ERBB4: variants seen among roughly 807,000 people sequenced by gnomAD.
The protein encoded by ERBB4 is erb-b2 receptor tyrosine kinase 4, also known as receptor tyrosine-protein kinase erbB-4.
In ERBB4, 42 loss-of-function variants were observed where a neutral mutation model predicts 158.0. That is an observed-to-expected ratio of 0.27 (90% confidence interval 0.21 to 0.34). The LOEUF is 0.34. Among genes scored for constraint, ERBB4 ranks in the 10% least tolerant of loss-of-function variants. The pLI is 1.00. For synonymous variants in ERBB4, 583 were observed against 558.7 expected, an observed-to-expected ratio of 1.04 and a Z score of -0.61; for missense variants, 1,333 against 1,624.1, an observed-to-expected ratio of 0.82 and a Z score of 3.08.
intron 3 of ERBB4, among the ~76,000 whole-genome samples, chr2:211,897,082 T>C (rs2079116302): frequency 6.7e-6 from 1 of 150,290 alleles, no homozygotes. Context: ...GAATATATTC[T>C]ATATTATAAA....
chr2:211,544,412 G>C (rs1225546730), intron 20 of ERBB4, among the ~76,000 whole-genome samples: 3 of 151,906 alleles, frequency 2.0e-5, no homozygotes, highest in South Asian at 2.1e-4. Flanking sequence ...TTGCTGCCTT[G>C]CCCCACTCGT....
At chr2:211,558,406 T>A (rs890559176) in intron 20 of ERBB4, among the ~76,000 whole-genome samples, 4 of 152,108 alleles carry the variant, frequency 2.6e-5, no homozygotes, top group African/African-American at 9.7e-5. Context: ...CCCCTGTGAC[T>A]ACAATGGGCC....
rs567107558 is a variant in ERBB4, at chr2:212,462,081, CATATACA to C, written c.82+76361_82+76367del. Among the ~76,000 whole-genome samples, 582 of 152,156 alleles carry C rather than the reference CATATACA, an allele frequency of 3.8e-3. 5 individuals carry two copies. The highest frequency in any genetic ancestry group is 0.013 in the African/African-American group (553 of 41,500). ...TGTGAAAATGGACTAATACATCTAC[CATATACA>C]ATATACAAAAACCAACTTTATCTGG... is the stretch of plus-strand genomic sequence containing the variant. On this transcript the variant is annotated intron_variant, in intron 1 of 27. Coordinates refer to ENST00000342788, the MANE Select transcript of ERBB4 (RefSeq NM_005235.3).
chr2:211,734,021 C>CA (rs1446175833), intron 5 of ERBB4, among the ~76,000 whole-genome samples: 1 of 151,648 alleles, frequency 6.6e-6, no homozygotes, highest in African/African-American at 2.4e-5. Flanking sequence ...CAGCCTGGGC[C>CA]ATGCAGCAGA....
chr2:212,203,702 T>C (rs10497964), intron 1 of ERBB4, among the ~76,000 whole-genome samples: 84,707 of 152,040 alleles, frequency 0.56, 25,737 homozygotes, highest in African/African-American at 0.79. Context: ...CCTAAACATA[T>C]ATTTTAATCC....
chr2:211,781,268 A>C (rs2076029852), intron 4 of ERBB4, among the ~76,000 whole-genome samples: 1 of 152,240 alleles, frequency 6.6e-6, no homozygotes, highest in South Asian at 2.1e-4. Flanking sequence ...GATATGTAAA[A>C]GTCACTGAAA....
chr2:212,365,587 T>C (rs1013659345), intron 1 of ERBB4, among the ~76,000 whole-genome samples: 2 of 151,838 alleles, frequency 1.3e-5, no homozygotes, highest in African/African-American at 4.8e-5. Context: ...ATAAAAATAT[T>C]TCCTTAGCTA....
intron 1 of ERBB4, among the ~76,000 whole-genome samples, chr2:212,280,162 T>A (rs1559913598): frequency 6.6e-6 from 1 of 151,612 alleles, no homozygotes; most frequent in Non-Finnish European, 1.5e-5. Context: ...AATAAAAGGT[T>A]GTACCTCATT....
chr2:211,674,081 A>G (rs1425523927), intron 13 of ERBB4, among the ~76,000 whole-genome samples: 1 of 152,132 alleles, frequency 6.6e-6, no homozygotes, highest in African/African-American at 2.4e-5. Context: ...TATTATATCA[A>G]TAATTAGATA....
At chr2:211,493,578 CA>C (rs143725610) in intron 20 of ERBB4, among the ~76,000 whole-genome samples, 14 of 149,764 alleles carry the variant, frequency 9.3e-5, no homozygotes, top group South Asian at 6.3e-4. Context: ...AAAACAAAAA[CA>C]AAAAAAAACA....
intron 20 of ERBB4, among the ~76,000 whole-genome samples, chr2:211,516,501 T>G (rs2066038164): frequency 6.6e-6 from 1 of 151,908 alleles, no homozygotes; most frequent in South Asian, 2.1e-4. Context: ...GACTGTCTAA[T>G]TTTTATAATT....
At chr2:211,963,059 G>A (rs1395230572) in intron 2 of ERBB4, among the ~76,000 whole-genome samples, 1 of 152,006 alleles carries the variant, frequency 6.6e-6, no homozygotes, top group African/African-American at 2.4e-5. Context: ...AATTATGTTA[G>A]CACCTGTGAT....
chr2:211,872,047 A>G (rs1384769010), intron 3 of ERBB4, among the ~76,000 whole-genome samples: 1 of 151,310 alleles, frequency 6.6e-6, no homozygotes, highest in Non-Finnish European at 1.5e-5. Flanking sequence ...GAAGTCAGAC[A>G]TACATTTCAA....
chr2:212,497,697 G>C (rs1463343963), intron 1 of ERBB4, among the ~76,000 whole-genome samples: 2 of 152,034 alleles, frequency 1.3e-5, no homozygotes, highest in Admixed American at 1.3e-4. Flanking sequence ...GTATCAATTA[G>C]TCAAATAAAT....
At chr2:211,512,913 G>T (rs1242489239) in intron 20 of ERBB4, among the ~76,000 whole-genome samples, 2 of 152,130 alleles carry the variant, frequency 1.3e-5, no homozygotes. Context: ...TTAAATAAAA[G>T]ATGTCGGGTA....
At chr2:212,326,405 T>G (rs984109697) in intron 1 of ERBB4, among the ~76,000 whole-genome samples, 1 of 150,716 alleles carries the variant, frequency 6.6e-6, no homozygotes, top group African/African-American at 2.4e-5. Flanking sequence ...TTTAAATAAA[T>G]GCTCATTTAA....
At position 212,446,578 on chromosome 2, in the gene ERBB4, C is replaced by CATATATATATATATAT. The variant is rs1491199974; in HGVS notation, c.82+91870_82+91871insATATATATATATATAT. Among the ~76,000 whole-genome samples the CATATATATATATATAT allele has an allele frequency of 1.4e-4, 8 of 57,230 alleles. 1 individual carries two copies. Among genetic ancestry groups the CATATATATATATATAT allele is most frequent in the Admixed American group, 2.2e-4 (1 of 4,452 alleles). 37.5% of individuals were successfully genotyped at this position (57,230 alleles called of 152,430 possible). A position where few individuals can be genotyped will look rare whatever the true frequency, so the allele number is the denominator to read the frequency against. On this transcript the variant is annotated intron_variant, in intron 1 of 27. Transcript: ENST00000342788. ...TGTAAGTTAATACTTAATAAACTCC[C>CATATATATATATATAT]ATATATATATATGTATATATATATA...
At chr2:211,537,420 G>A (rs2066685975) in intron 20 of ERBB4, among the ~76,000 whole-genome samples, 1 of 151,944 alleles carries the variant, frequency 6.6e-6, no homozygotes, top group Non-Finnish European at 1.5e-5. Flanking sequence ...AAATCATTTA[G>A]TTTGGCAATG....
intron 19 of ERBB4, among the ~76,000 whole-genome samples, chr2:211,569,397 T>A (rs2067647804): frequency 6.6e-6 from 1 of 152,208 alleles, no homozygotes; most frequent in South Asian, 2.1e-4. Flanking sequence ...AGCACTGTGA[T>A]TGAAGTTGTG....
Sources: allele counts gnomAD v4.1 joint callset (sites outside exome capture counted in the v4.1 genomes callset), GRCh38; gene constraint gnomAD v4.1.1; transcripts MANE v1.5; gene names NCBI Gene and HGNC (gene_info 2026-07-23, HGNC 2026-07-21).